The following NTRK3 variants were observed in gnomAD, a reference collection of about 807,000 sequenced individuals.
NTRK3 encodes neurotrophic receptor tyrosine kinase 3, also known as NT-3 growth factor receptor.
A neutral mutation model predicts 91.7 loss-of-function variants in NTRK3; 24 were observed. The observed-to-expected ratio is 0.26, with a 90% CI of 0.19 to 0.37. The LOEUF (loss-of-function observed/expected upper bound fraction) is 0.37, where lower values mean the gene tolerates loss of function less well. NTRK3 is among the 10% of genes least tolerant of loss of function. The probability of loss-of-function intolerance (pLI) is 1.00; values close to 1 mark genes in which losing one functional copy is unlikely to be tolerated. For missense variants in NTRK3, 880 were observed against 1,068.9 expected (o/e 0.82, Z 2.46); for synonymous variants, 483 against 404.0 (o/e 1.20, Z -2.34).
chr15:87,900,634 G>T (rs948506506), intron 17 of NTRK3, among the ~76,000 whole-genome samples: 2 of 151,776 alleles, frequency 1.3e-5, no homozygotes, highest in African/African-American at 4.8e-5. Context: ...CTGAACGAAA[G>T]CTCAACTCAA....
intron 13 of NTRK3, among the ~76,000 whole-genome samples, chr15:88,120,740 G>A (rs140778474): frequency 6.6e-6 from 1 of 152,336 alleles, no homozygotes; most frequent in African/African-American, 2.4e-5. Context: ...ATTAATCAGA[G>A]CCTTGGAGGG....
chr15:88,191,166 G>C (rs1439171891), intron 3 of NTRK3, among the ~76,000 whole-genome samples: 1 of 6,988 alleles, frequency 1.4e-4, no homozygotes, highest in Non-Finnish European at 4.1e-4. Context: ...TGTTTCCCGT[G>C]TGTGTGTGTG....
intron 14 of NTRK3, among the ~76,000 whole-genome samples, chr15:87,952,814 C>T (rs1217796691): frequency 2.6e-5 from 4 of 152,120 alleles, no homozygotes; most frequent in Non-Finnish European, 5.9e-5. Context: ...ACTCCCGGAG[C>T]CAGGGCTTCT....
At chr15:87,908,792 C>T (rs895242580) in intron 17 of NTRK3, among the ~76,000 whole-genome samples, 6 of 152,158 alleles carry the variant, frequency 3.9e-5, no homozygotes, top group African/African-American at 9.6e-5. Flanking sequence ...CTCTGGAGTC[C>T]GCCCAGAAAC....
intron 14 of NTRK3, among the ~76,000 whole-genome samples, chr15:88,008,290 T>A (rs1215577853): frequency 1.3e-5 from 2 of 152,184 alleles, no homozygotes; most frequent in Non-Finnish European, 2.9e-5. Context: ...CCTGGTTCTA[T>A]TTCTACCAAT....
exon 6 of NTRK3, chr15:88,147,347 C>T (rs1021707498): frequency 1.2e-6 from 2 of 1,613,718 alleles, no homozygotes. Flanking sequence ...TTCCCGAAGA[C>T]TCAGCGTCTG....
intron 14 of NTRK3, among the ~76,000 whole-genome samples, chr15:87,973,608 C>A (rs934023150): frequency 2.0e-5 from 3 of 152,166 alleles, no homozygotes; most frequent in East Asian, 1.9e-4. Context: ...AGGCTGCAAG[C>A]AGTTTCGCCC....
intron 14 of NTRK3, among the ~76,000 whole-genome samples, chr15:88,014,108 C>A (rs374164414): frequency 4.6e-5 from 7 of 152,184 alleles, no homozygotes; most frequent in Non-Finnish European, 1.0e-4. Flanking sequence ...TGTTGGAACA[C>A]GCTACTTGAT....
At chr15:87,903,417 T>C (rs1279876708) in intron 17 of NTRK3, among the ~76,000 whole-genome samples, 4 of 152,162 alleles carry the variant, frequency 2.6e-5, no homozygotes, top group African/African-American at 7.2e-5. Flanking sequence ...CCCTCCTCCA[T>C]CATCTTCCCT....
rs751544373 is a variant in NTRK3 at position 87,916,483 on chromosome 15, C to T, written c.2133+12708G>A. The T allele has an allele frequency of 1.1e-4, 79 of 701,802 alleles. 1 individual carries two copies. In the African/African-American group the frequency reaches 1.3e-3, roughly 12 times the overall value. 43.5% of individuals were successfully genotyped at this position (701,802 alleles called of 1,614,324 possible). A position where few individuals can be genotyped will look rare whatever the true frequency, so the allele number is the denominator to read the frequency against. ...GAGGACAGAATCCAATATAAGCATG[C>T]TTCAACGTCTCAGAATTTTCTTATG... On this transcript the variant is annotated intron_variant, in intron 17 of 18. Transcript: ENST00000394480.
chr15:88,028,546 GAC>G (rs2078242101), intron 14 of NTRK3, among the ~76,000 whole-genome samples: 1 of 152,128 alleles, frequency 6.6e-6, no homozygotes, highest in Non-Finnish European at 1.5e-5. Flanking sequence ...GGAGCAGACA[GAC>G]ACTACCTCAA....
intron 14 of NTRK3, among the ~76,000 whole-genome samples, chr15:87,993,110 AC>A (rs1259457229): frequency 1.3e-5 from 2 of 152,178 alleles, no homozygotes; most frequent in African/African-American, 4.8e-5. Flanking sequence ...AATGCCTCCT[AC>A]CCTGACTTGG....
intron 17 of NTRK3, among the ~76,000 whole-genome samples, chr15:87,918,906 G>T (rs573965535): frequency 2.9e-4 from 44 of 152,254 alleles, no homozygotes; most frequent in African/African-American, 9.4e-4. Flanking sequence ...TAAGAACACT[G>T]ATCTAAAGAC....
At chr15:87,875,376 C>T (rs2064921650) in exon 19 of NTRK3, 1 of 231,598 alleles carries the variant, frequency 4.3e-6, no homozygotes, top group African/African-American at 2.2e-5. Flanking sequence ...GAGGTCGGCC[C>T]CACTGTGGTA....
rs16941160 is a variant in NTRK3, at chr15:88,043,505, T to C, written c.1397-10460A>G. On this transcript the variant is annotated intron_variant, in intron 13 of 18. Transcript: ENST00000394480. The stretch of plus-strand genomic sequence containing the variant: ...TGGGAGGAAACATCACTTGAGGTCA[T>C]GCAGTGCCAGGGGCTGCCATGTTGA... Among the ~76,000 whole-genome samples the C allele has an allele frequency of 8.9e-3, 1,351 of 152,330 alleles. 17 individuals carry two copies. Among genetic ancestry groups the C allele is most frequent in the African/African-American group, 0.031 (1,289 of 41,572 alleles).
At chr15:87,913,472 T>A (rs549893730) in intron 17 of NTRK3, among the ~76,000 whole-genome samples, 1 of 152,118 alleles carries the variant, frequency 6.6e-6, no homozygotes, top group Non-Finnish European at 1.5e-5. Context: ...CTTTTCTACT[T>A]TCATGGCAGA....
chr15:87,998,290 T>C (rs537670837), intron 14 of NTRK3, among the ~76,000 whole-genome samples: 1 of 152,380 alleles, frequency 6.6e-6, no homozygotes, highest in East Asian at 1.9e-4. Flanking sequence ...CCACTAATGC[T>C]AGCTGAGTTC....
At chr15:87,882,570 C>T (rs1017283874) in intron 17 of NTRK3, among the ~76,000 whole-genome samples, 1 of 151,948 alleles carries the variant, frequency 6.6e-6, no homozygotes, top group Non-Finnish European at 1.5e-5. Flanking sequence ...ACTGATACAA[C>T]TAACATACTT....
chr15:87,866,200 A>G (rs1010967173), exon 19 of NTRK3: 3 of 222,030 alleles, frequency 1.4e-5, no homozygotes, highest in African/African-American at 4.5e-5. Context: ...GGAAATAGAA[A>G]TGTGCAAGTT....
Sources: allele counts gnomAD v4.1 joint callset (sites outside exome capture counted in the v4.1 genomes callset), GRCh38; gene constraint gnomAD v4.1.1; transcripts MANE v1.5; gene names NCBI Gene and HGNC (gene_info 2026-07-23, HGNC 2026-07-21).